SLC34A2: variants seen among roughly 807,000 people sequenced by gnomAD.
SLC34A2 encodes solute carrier family 34 member 2.
SLC34A2 carries 41 observed loss-of-function variants against 50.8 expected under a neutral mutation model. The observed-to-expected ratio is 0.81, with a 90% CI of 0.63 to 1.05. The LOEUF is 1.05. Ranked by LOEUF, SLC34A2 falls within the 50% of genes least tolerant of loss-of-function variation. The probability of loss-of-function intolerance (pLI) is 0.00; values close to 1 mark genes in which losing one functional copy is unlikely to be tolerated. For synonymous variants in SLC34A2, 401 were observed against 364.2 expected (o/e 1.10, Z -1.15); for missense variants, 879 against 876.7 (o/e 1.00, Z -0.03).
rs1714495072 is a variant in SLC34A2 at position 25,666,236 on chromosome 4, C to T, written c.488C>T (p.Ser163Leu). ...VTVLVQSSST[S>L]TSIVVSMVSS... ...GTCTTGGTGCAGAGCTCCAGCACCTCAACGTCCATCGTTGTCAGCATGGTG... is the reference window on the plus strand; with the variant it reads ...GTCTTGGTGCAGAGCTCCAGCACCTTAACGTCCATCGTTGTCAGCATGGTG... The change falls in exon 5 of 13, where the codon TCA (serine) becomes TTA (leucine). Residue 163 changes from serine to leucine, a missense_variant. Transcript: ENST00000382051. 1.9e-6 allele frequency: 3 copies of T among 1,613,964 alleles called. No individual in the cohort carries two copies. The highest frequency in any genetic ancestry group is 2.5e-6 in the Non-Finnish European group (3 of 1,180,040).
intron 10 of SLC34A2, 130 bp downstream of exon 10, chr4:25,673,384 T>G: frequency 1.1e-6 from 1 of 927,266 alleles, no homozygotes; most frequent in Non-Finnish European, 1.7e-6. Context: ...GCACCAGAAG[T>G]GAGGATGTCA....
In SLC34A2 at chr4:25,677,015, C is replaced by T. The variant is rs1715173478; in HGVS notation, c.*266C>T. The T allele has an allele frequency of 1.8e-5, 9 of 512,820 alleles. No individual in the cohort carries two copies. The highest frequency in any genetic ancestry group is 1.2e-4 in the South Asian group (5 of 42,250). The allele number at this position is 512,820 out of a possible 1,614,324, so 31.8% of individuals were successfully genotyped here. On this transcript the variant is annotated 3_prime_UTR_variant, in exon 13 of 13. Transcript: ENST00000382051. ...AAAGAGAATTAGAGAATGAACCTGG[C>T]GGGACGGATGTCTAATCCTGCGCCT...
rs1577505222 is a variant in SLC34A2 at position 25,676,014 on chromosome 4, G to A, written c.1459-121G>A. On this transcript the variant is annotated intron_variant, in intron 12 of 12. Transcript: ENST00000382051. ...GGGCTGAGCCATAAGGACAAAGAAG[G>A]CCTGGAAGGCCCGAGACTGTGCTGC... 2.0e-6 allele frequency: 3 copies of A among 1,490,418 alleles called. No individual in the cohort carries two copies. In the East Asian group the frequency reaches 7.4e-5, roughly 37 times the overall value. 92.3% of individuals were successfully genotyped at this position (1,490,418 alleles called of 1,614,324 possible).
intron 1 of SLC34A2, among the ~76,000 whole-genome samples, chr4:25,660,503 T>C (rs1213758088): frequency 6.6e-6 from 1 of 152,242 alleles, no homozygotes; most frequent in Non-Finnish European, 1.5e-5. Flanking sequence ...AAATTCTTTT[T>C]GCTACTTTGA....
chr4:25,670,190 C>T (rs1714741363), intron 7 of SLC34A2, among the ~76,000 whole-genome samples: 1 of 152,234 alleles, frequency 6.6e-6, no homozygotes, highest in Non-Finnish European at 1.5e-5. Flanking sequence ...TGCCATTGCA[C>T]TCCAGCCTGG....
At chr4:25,670,657 C>G (rs764267007) in intron 7 of SLC34A2, 81 bp from the exon 8 acceptor site, 27 of 1,060,962 alleles carry the variant, frequency 2.5e-5, no homozygotes, top group Non-Finnish European at 3.9e-5. Flanking sequence ...CTTAGAGCCC[C>G]TCTCACTTCA....
At position 25,662,555 on chromosome 4, in the gene SLC34A2, G is replaced by A. The variant is rs148983432; in HGVS notation, c.55G>A (p.Glu19Lys). The A allele has an allele frequency of 1.9e-5, 31 of 1,613,892 alleles. No individual in the cohort carries two copies. The highest frequency in any genetic ancestry group is 3.3e-4 in the Middle Eastern group (2 of 6,084). Reference protein sequence around the residue: ...DAQPNPDKYLEGAAGQQPTAP... With the variant: ...DAQPNPDKYLKGAAGQQPTAP... ...CCAGCCCAACCCCGATAAGTACCTC[G>A]AAGGGGCCGCAGGTCAGCAGCCCAC... is the stretch of plus-strand genomic sequence containing the variant. The change falls in exon 2 of 13, where the codon GAA becomes AAA. Residue 19 changes from glutamate (E) to lysine (K), a missense_variant. Physicochemically the swap from Glu to Lys is moderately conservative, Grantham distance 56. Transcript: ENST00000382051.
intron 6 of SLC34A2, among the ~76,000 whole-genome samples, 191 bp from the exon 7 acceptor site, chr4:25,669,456 G>A (rs1714695085): frequency 6.6e-6 from 1 of 152,078 alleles, no homozygotes; most frequent in Non-Finnish European, 1.5e-5. Flanking sequence ...TTCTTCATCT[G>A]GCCAATGGGA....
rs1364783696 is a variant in SLC34A2, at chr4:25,678,488, G to A, written c.*1739G>A. On this transcript the variant is annotated 3_prime_UTR_variant, in exon 13 of 13. Coordinates refer to ENST00000382051, the MANE Select transcript of SLC34A2 (RefSeq NM_006424.3). ...ATATATGTAAGTTAAACCCGGGCAG[G>A]GGCTGTGGCCGTCTTTGTACTCTGG... The A allele has an allele frequency of 5.9e-6, 1 of 168,576 alleles. No homozygotes were observed. The highest frequency in any genetic ancestry group is 1.3e-5 in the Non-Finnish European group (1 of 77,044). The allele number at this position is 168,576 out of a possible 1,614,324, so 10.4% of individuals were successfully genotyped here. A position where few individuals can be genotyped will look rare whatever the true frequency, so the allele number is the denominator to read the frequency against.
chr4:25,667,788 A>C (rs936405984), intron 5 of SLC34A2, 92 bp from the exon 6 acceptor site: 5 of 811,194 alleles, frequency 6.2e-6, no homozygotes, highest in Non-Finnish European at 8.6e-6. Context: ...GAGGATAAAA[A>C]CTACTTCTTT....
intron 5 of SLC34A2, among the ~76,000 whole-genome samples, chr4:25,666,528 A>C (rs1422885694): frequency 6.6e-6 from 1 of 152,124 alleles, no homozygotes; most frequent in Non-Finnish European, 1.5e-5. Context: ...TACTTTCCAG[A>C]CCTGTAGCCA....
intron 4 of SLC34A2, 126 bp downstream of exon 4, chr4:25,664,456 C>G: frequency 1.0e-6 from 1 of 984,670 alleles, no homozygotes; most frequent in Non-Finnish European, 1.6e-6. Context: ...TGGAACCGAC[C>G]TCAGATCATT....
At position 25,676,764 on chromosome 4, in the gene SLC34A2, T is replaced by C; in HGVS notation, c.*15T>C. 7 of 1,614,014 alleles carry C rather than the reference T, an allele frequency of 4.3e-6. No homozygotes were observed. Among genetic ancestry groups the C allele is most frequent in the Non-Finnish European group, 5.9e-6 (7 of 1,179,998 alleles). ...CGGCCTTGTAGGGGACGCCCCAGATTGTCAGGGATGGGGGGATGGTCCTTG... is the reference window on the plus strand; with the variant it reads ...CGGCCTTGTAGGGGACGCCCCAGATCGTCAGGGATGGGGGGATGGTCCTTG... On this transcript the variant is annotated 3_prime_UTR_variant, in exon 13 of 13. Coordinates refer to ENST00000382051, the MANE Select transcript of SLC34A2 (RefSeq NM_006424.3).
At position 25,676,751 on chromosome 4, in the gene SLC34A2, G is replaced by T; in HGVS notation, c.*2G>T. On this transcript the variant is annotated 3_prime_UTR_variant, in exon 13 of 13. Transcript: ENST00000382051. Reference sequence around the variant, plus strand: ...AAGACCGAATGCACGGCCTTGTAGGGGACGCCCCAGATTGTCAGGGATGGG... The same window carrying T: ...AAGACCGAATGCACGGCCTTGTAGGTGACGCCCCAGATTGTCAGGGATGGG... The T allele has an allele frequency of 6.2e-7, 1 of 1,614,102 alleles. No individual in the cohort carries two copies. Among genetic ancestry groups the T allele is most frequent in the Non-Finnish European group, 8.5e-7 (1 of 1,180,020 alleles).
intron 10 of SLC34A2, among the ~76,000 whole-genome samples, chr4:25,673,994 A>C (rs1714964731): frequency 6.6e-6 from 1 of 151,226 alleles, no homozygotes; most frequent in South Asian, 2.1e-4. Flanking sequence ...GCGAGGAAGC[A>C]TGCTCTCAGC....
intron 5 of SLC34A2, among the ~76,000 whole-genome samples, chr4:25,666,722 C>A (rs149981604): frequency 6.6e-6 from 1 of 152,286 alleles, no homozygotes; most frequent in African/African-American, 2.4e-5. Context: ...AAAGTTAGTT[C>A]TCTGGGACAG....
chr4:25,668,426 G>A (rs1217243347), intron 6 of SLC34A2, among the ~76,000 whole-genome samples: 2 of 152,204 alleles, frequency 1.3e-5, no homozygotes, highest in African/African-American at 4.8e-5. Context: ...GCCCAGGCGG[G>A]TGGATCGCCT....
intron 9 of SLC34A2, among the ~76,000 whole-genome samples, chr4:25,672,287 A>G (rs1471223845): frequency 6.6e-6 from 1 of 152,184 alleles, no homozygotes; most frequent in Non-Finnish European, 1.5e-5. Context: ...AAATAAAATA[A>G]CTTTAGGGAG....
At position 25,673,102 on chromosome 4, in the gene SLC34A2, T is replaced by C. The variant is rs759907304; in HGVS notation, c.1064T>C (p.Val355Ala). 2 of 1,614,174 alleles carry C rather than the reference T, an allele frequency of 1.2e-6. No individual in the cohort carries two copies. Among genetic ancestry groups the C allele is most frequent in the Non-Finnish European group, 1.7e-6 (2 of 1,180,034 alleles). ...ENIAKCQHIF[V>A]NFHLPDLAVG... is the part of the protein sequence containing the mutation. Reference sequence around the variant, plus strand: ...GGTCTTTCAGGCCAGCATATCTTTGTGAATTTCCACCTCCCGGATCTTGCT... The same window carrying C: ...GGTCTTTCAGGCCAGCATATCTTTGCGAATTTCCACCTCCCGGATCTTGCT... The change falls in exon 10 of 13, where the codon GTG (valine) becomes GCG (alanine). Residue 355 changes from valine to alanine, a missense_variant. Physicochemically the swap from Val to Ala is moderately conservative, Grantham distance 64. Transcript: ENST00000382051.
Sources: allele counts gnomAD v4.1 joint callset (sites outside exome capture counted in the v4.1 genomes callset), GRCh38; gene constraint gnomAD v4.1.1; transcripts MANE v1.5; gene names NCBI Gene and HGNC (gene_info 2026-07-23, HGNC 2026-07-21).